The following SRGAP2 variants were observed in gnomAD, a reference collection of about 807,000 sequenced individuals.
The protein encoded by SRGAP2 is SLIT-ROBO Rho GTPase-activating protein 2.
In SRGAP2, 15 loss-of-function variants were observed where a neutral mutation model predicts 57.2. That is an observed-to-expected ratio of 0.26 (90% confidence interval 0.18 to 0.40). The LOEUF is 0.40. SRGAP2 is among the 10% of genes least tolerant of loss of function. The probability of loss-of-function intolerance (pLI) is 1.00; values close to 1 mark genes in which losing one functional copy is unlikely to be tolerated. For synonymous variants in SRGAP2, 249 were observed against 248.0 expected (o/e 1.00, Z -0.04); for missense variants, 520 against 669.6 (o/e 0.78, Z 2.47).
At chr1:206,442,196 C>G (rs1374680084) in intron 17 of SRGAP2, among the ~76,000 whole-genome samples, 1 of 152,214 alleles carries the variant, frequency 6.6e-6, no homozygotes, top group Non-Finnish European at 1.5e-5. Context: ...CCCTTCAGAG[C>G]TACAGAGGGT....
chr1:206,208,866 T>G (rs1666127569), intron 2 of SRGAP2, among the ~76,000 whole-genome samples: 1 of 152,100 alleles, frequency 6.6e-6, no homozygotes, highest in African/African-American at 2.4e-5. Flanking sequence ...CAGGTTTAAA[T>G]CTTGGTTCTG....
intron 12 of SRGAP2, among the ~76,000 whole-genome samples, chr1:206,420,585 T>G (rs1018376900): frequency 4.6e-5 from 7 of 152,198 alleles, no homozygotes; most frequent in Non-Finnish European, 8.8e-5. Context: ...AGTGGCCTGG[T>G]GGCAGGGGCA....
intron 2 of SRGAP2, among the ~76,000 whole-genome samples, chr1:206,253,133 GTGTC>G (rs1174139259): frequency 1.3e-5 from 2 of 149,352 alleles, no homozygotes; most frequent in East Asian, 4.0e-4. Flanking sequence ...TTGAGGTCGG[GTGTC>G]TGTCTGGATA....
chr1:206,413,127 TGA>T (rs1366140903), intron 10 of SRGAP2, among the ~76,000 whole-genome samples: 1 of 152,234 alleles, frequency 6.6e-6, no homozygotes, highest in Non-Finnish European at 1.5e-5. Flanking sequence ...TCACAAGTAG[TGA>T]GAGGAAGGAA....
chr1:206,411,069 C>A (rs1659177845), intron 10 of SRGAP2, among the ~76,000 whole-genome samples: 1 of 152,152 alleles, frequency 6.6e-6, no homozygotes, highest in East Asian at 1.9e-4. Flanking sequence ...ACTATGTTGG[C>A]CAGGCTGGTC....
chr1:206,422,187 C>T (rs532342591), intron 13 of SRGAP2, among the ~76,000 whole-genome samples: 24 of 152,180 alleles, frequency 1.6e-4, no homozygotes, highest in Admixed American at 2.0e-4. Flanking sequence ...ATAAAGAGGG[C>T]GCATGGTTTT....
At chr1:206,395,845 AC>A (rs1266065290) in intron 7 of SRGAP2, among the ~76,000 whole-genome samples, 16 of 151,066 alleles carry the variant, frequency 1.1e-4, no homozygotes, top group South Asian at 2.1e-4. Flanking sequence ...AAAAAAAAAA[AC>A]GTCTGCTAAG....
intron 5 of SRGAP2, among the ~76,000 whole-genome samples, chr1:206,391,591 C>T (rs1255392176): frequency 5.5e-5 from 7 of 128,186 alleles, no homozygotes; most frequent in African/African-American, 2.2e-4. Flanking sequence ...TGTACCTTTG[C>T]ACTCCTGTGT....
At chr1:206,327,963 C>A (rs1441006436) in intron 3 of SRGAP2, among the ~76,000 whole-genome samples, 2 of 101,772 alleles carry the variant, frequency 2.0e-5, no homozygotes, top group African/African-American at 8.7e-5. Flanking sequence ...CCCCCTCCCC[C>A]CACCCCACCA....
chr1:206,455,282 T>C, intron 21 of SRGAP2: 2 of 524,422 alleles, frequency 3.8e-6, no homozygotes, highest in Non-Finnish European at 6.9e-6. Flanking sequence ...TCCCGCAGTG[T>C]CTGTCCACCC....
At chr1:206,410,050 G>A (rs530075392) in intron 10 of SRGAP2, among the ~76,000 whole-genome samples, 54 of 151,848 alleles carry the variant, frequency 3.6e-4, no homozygotes, top group African/African-American at 1.1e-3. Context: ...GCAGTGAGCC[G>A]AGATCGTGCC....
At chr1:206,233,475 C>T (rs1399026994) in intron 2 of SRGAP2, among the ~76,000 whole-genome samples, 2 of 150,048 alleles carry the variant, frequency 1.3e-5, no homozygotes, top group African/African-American at 2.4e-5. Context: ...CTAGAGGATG[C>T]TCTACTTCTG....
chr1:206,417,688 G>T (rs1553362547), intron 11 of SRGAP2, among the ~76,000 whole-genome samples: 1 of 152,046 alleles, frequency 6.6e-6, no homozygotes, highest in Non-Finnish European at 1.5e-5. Flanking sequence ...CCAAAGTGCT[G>T]GGATTACAGG....
chr1:206,295,320 T>C (rs1305215082), intron 2 of SRGAP2, among the ~76,000 whole-genome samples: 2 of 152,010 alleles, frequency 1.3e-5, no homozygotes, highest in Non-Finnish European at 2.9e-5. Context: ...GCCTCCTGGG[T>C]TCAAGCGATT....
chr1:206,457,228 T>G (rs1663915096), intron 21 of SRGAP2, among the ~76,000 whole-genome samples: 1 of 152,072 alleles, frequency 6.6e-6, no homozygotes, highest in African/African-American at 2.4e-5. Context: ...CAAAGAGCTA[T>G]TAGGGTGTGG....
chr1:206,397,406 G>A (rs1157470625), intron 7 of SRGAP2, among the ~76,000 whole-genome samples: 14 of 152,046 alleles, frequency 9.2e-5, no homozygotes, highest in Non-Finnish European at 2.1e-4. Context: ...GATGAATCCT[G>A]TTGCAGTCCA....
intron 21 of SRGAP2, chr1:206,458,317 A>G (rs1664002431): frequency 1.8e-6 from 1 of 558,516 alleles, no homozygotes; most frequent in African/African-American, 1.9e-5. Context: ...GGGCCTTTCC[A>G]TGAATCTCTT....
chr1:206,355,865 G>C (rs1676391590), intron 4 of SRGAP2, among the ~76,000 whole-genome samples: 1 of 152,250 alleles, frequency 6.6e-6, no homozygotes, highest in East Asian at 1.9e-4. Context: ...TACTCAGGAG[G>C]CTTAGGGAGG....
At chr1:206,452,062 G>C (rs1470503361) in intron 19 of SRGAP2, among the ~76,000 whole-genome samples, 2 of 152,186 alleles carry the variant, frequency 1.3e-5, no homozygotes, top group African/African-American at 4.8e-5. Context: ...TAGCACAGAC[G>C]AAGATAATGA....
Sources: allele counts gnomAD v4.1 joint callset (sites outside exome capture counted in the v4.1 genomes callset), GRCh38; gene constraint gnomAD v4.1.1; transcripts MANE v1.5; gene names NCBI Gene and HGNC (gene_info 2026-07-23, HGNC 2026-07-21).